LURAP1L: variants seen among roughly 807,000 people sequenced by gnomAD.
LURAP1L encodes the protein leucine rich adaptor protein 1-like.
A neutral mutation model predicts 13.8 loss-of-function variants in LURAP1L; 12 were observed. The ratio of observed to expected loss-of-function variants is 0.87; its 90% confidence interval spans 0.56 to 1.41. The LOEUF (loss-of-function observed/expected upper bound fraction) is 1.41. Ranked by LOEUF, LURAP1L falls within the 40% of genes most tolerant of loss-of-function variation. The pLI is 0.00. For synonymous variants in LURAP1L, 139 were observed against 119.2 expected, an observed-to-expected ratio of 1.17 and a Z score of -1.08; for missense variants, 375 against 292.9, an observed-to-expected ratio of 1.28 and a Z score of -2.04.
intron 1 of LURAP1L, among the ~76,000 whole-genome samples, chr9:12,782,228 G>C (rs1235615699): frequency 6.6e-6 from 1 of 152,144 alleles, no homozygotes; most frequent in African/African-American, 2.4e-5. Context: ...TTTGTTGGTT[G>C]TTTCCTTTGC....
intron 1 of LURAP1L, among the ~76,000 whole-genome samples, chr9:12,777,024 G>C (rs1819195657): frequency 6.6e-6 from 1 of 152,144 alleles, no homozygotes; most frequent in African/African-American, 2.4e-5. Context: ...AGTTGCAACA[G>C]TGGGCCTCAA....
rs1586871318 is a variant in LURAP1L at position 12,775,596 on chromosome 9, C to A, written c.-120C>A. The A allele has an allele frequency of 7.0e-7, 1 of 1,424,840 alleles. No individual in the cohort carries two copies. The allele number at this position is 1,424,840 out of a possible 1,614,324, so 88.3% of individuals were successfully genotyped here. A position where few individuals can be genotyped will look rare whatever the true frequency, so the allele number is the denominator to read the frequency against. On this transcript the variant is annotated 5_prime_UTR_variant, in exon 1 of 2. Transcript: ENST00000319264. ...TTATGGAAAGGACGGTACACCGGAG[C>A]GGCGGAGGATAGAGACCCTGGCCCC...
chr9:12,799,142 C>T lies in LURAP1L; in HGVS notation c.313-22244C>T, dbSNP rs576080959. Among the ~76,000 whole-genome samples the T allele has an allele frequency of 1.2e-3, 184 of 152,166 alleles. 1 individual carries two copies. The highest frequency in any genetic ancestry group is 4.0e-3 in the African/African-American group (168 of 41,534). On this transcript the variant is annotated intron_variant, in intron 1 of 1. Transcript: ENST00000319264. ...GAATCAGAACATCAAGATATTTGTC[C>T]CATTTCTAGCACTAAGTGGTGATAC...
intron 1 of LURAP1L, 51 bp downstream of exon 1, chr9:12,776,078 G>C (rs1480922042): frequency 1.9e-6 from 3 of 1,553,202 alleles, no homozygotes; most frequent in Non-Finnish European, 2.7e-6. Context: ...TGGGCCAAAA[G>C]ATGGGGCGAT....
chr9:12,778,793 G>C (rs1819227128), intron 1 of LURAP1L, among the ~76,000 whole-genome samples: 1 of 152,194 alleles, frequency 6.6e-6, no homozygotes, highest in Non-Finnish European at 1.5e-5. Flanking sequence ...GATTGAAGTA[G>C]CATGTATGAA....
intron 1 of LURAP1L, among the ~76,000 whole-genome samples, chr9:12,795,635 C>G (rs1044822979): frequency 6.6e-6 from 1 of 152,004 alleles, no homozygotes; most frequent in Non-Finnish European, 1.5e-5. Flanking sequence ...ATAAAGAATA[C>G]TGAATGCCAA....
At chr9:12,804,301 G>C (rs1311721714) in intron 1 of LURAP1L, among the ~76,000 whole-genome samples, 1 of 150,750 alleles carries the variant, frequency 6.6e-6, no homozygotes, top group Non-Finnish European at 1.5e-5. Context: ...ATTTGCATCA[G>C]TTCTAATAAG....
chr9:12,815,342 T>C (rs1327999983), intron 1 of LURAP1L, among the ~76,000 whole-genome samples: 2 of 152,164 alleles, frequency 1.3e-5, no homozygotes, highest in Non-Finnish European at 2.9e-5. Flanking sequence ...TCAGTTTATA[T>C]AGACTTTTAA....
chr9:12,790,149 C>T (rs2118487763), intron 1 of LURAP1L, among the ~76,000 whole-genome samples: 1 of 152,190 alleles, frequency 6.6e-6, no homozygotes, highest in African/African-American at 2.4e-5. Flanking sequence ...CTAAAGATTT[C>T]CAAAGAGTGA....
chr9:12,811,109 C>T (rs995921847), intron 1 of LURAP1L, among the ~76,000 whole-genome samples: 2 of 152,070 alleles, frequency 1.3e-5, no homozygotes, highest in African/African-American at 4.8e-5. Flanking sequence ...CTTTTATTAC[C>T]ATCCTAATCA....
Position 12,820,514 on chromosome 9 carries a change from C to CAAAA in LURAP1L, c.313-863_313-860dup, listed in dbSNP as rs1160341281. Among the ~76,000 whole-genome samples, 325 of 41,712 alleles carry CAAAA rather than the reference C, an allele frequency of 7.8e-3. 23 individuals are homozygous for CAAAA. The highest frequency in any genetic ancestry group is 0.026 in the African/African-American group (317 of 12,028). The allele number at this position is 41,712 out of a possible 152,430, so 27.4% of individuals were successfully genotyped here. ...CGAGACTCCGTCCCCCCCCCCCCCC[C>CAAAA]AAAAAAAAAAAAGGACCACACACCT... On this transcript the variant is annotated intron_variant, in intron 1 of 1. Transcript: ENST00000319264.
intron 1 of LURAP1L, among the ~76,000 whole-genome samples, chr9:12,808,192 G>C (rs1035212710): frequency 5.3e-5 from 8 of 151,224 alleles, no homozygotes; most frequent in Admixed American, 2.6e-4. Flanking sequence ...ACAGATCTGA[G>C]TTTCTGCCGA....
rs1819886885 is a variant in LURAP1L, at chr9:12,821,896, G to A, written c.*136G>A. The A allele has an allele frequency of 3.0e-6, 3 of 1,004,672 alleles. No homozygotes were observed. The highest frequency in any genetic ancestry group is 3.3e-4 in the Middle Eastern group (1 of 3,016). 62.2% of individuals were successfully genotyped at this position (1,004,672 alleles called of 1,614,324 possible). On this transcript the variant is annotated 3_prime_UTR_variant, in exon 2 of 2. Transcript: ENST00000319264. ...AAGCTGATTTTGAAACTGCTTAATGGTATTGCTGTTGCTCCTAATACTTCT... is the reference window on the plus strand; with the variant it reads ...AAGCTGATTTTGAAACTGCTTAATGATATTGCTGTTGCTCCTAATACTTCT...
At chr9:12,801,069 G>A (rs932222969) in intron 1 of LURAP1L, among the ~76,000 whole-genome samples, 2 of 152,036 alleles carry the variant, frequency 1.3e-5, no homozygotes, top group African/African-American at 4.8e-5. Context: ...AAAAGCAATT[G>A]AAAATATTTA....
intron 1 of LURAP1L, among the ~76,000 whole-genome samples, chr9:12,784,503 A>C (rs1002981199): frequency 6.6e-6 from 1 of 152,212 alleles, no homozygotes; most frequent in Non-Finnish European, 1.5e-5. Context: ...TCCCTGGATT[A>C]CCAAATAGAG....
Position 12,822,762 on chromosome 9 carries a change from G to A in LURAP1L, c.*1002G>A, listed in dbSNP as rs1046665444. On this transcript the variant is annotated 3_prime_UTR_variant, in exon 2 of 2. Coordinates refer to ENST00000319264, the MANE Select transcript of LURAP1L (RefSeq NM_203403.2). ...AGTTTTCTGAAATGGAATATTTAACGCACATAGACAGTGGATATTTACTTT... is the reference window on the plus strand; with the variant it reads ...AGTTTTCTGAAATGGAATATTTAACACACATAGACAGTGGATATTTACTTT... 6.6e-6 allele frequency among the ~76,000 whole-genome samples: 1 copy of A among 151,966 alleles called. No individual in the cohort carries two copies. The highest frequency in any genetic ancestry group is 1.9e-4 in the East Asian group (1 of 5,176).
chr9:12,806,112 C>A (rs1819653011), intron 1 of LURAP1L, among the ~76,000 whole-genome samples: 1 of 152,138 alleles, frequency 6.6e-6, no homozygotes. Context: ...GGGCAACCTT[C>A]AAATCTGTCA....
chr9:12,804,763 T>A lies in LURAP1L; in HGVS notation c.313-16623T>A, dbSNP rs553547162. Among the ~76,000 whole-genome samples, 7 of 152,252 alleles carry A rather than the reference T, an allele frequency of 4.6e-5. No homozygotes were observed. The South Asian group carries it at 1.2e-3, about 27-fold the overall frequency. ...GAAGGAAATCATCAGGATGAAAAGA[T>A]GGTTAAAGGAAGAAACAGAAGTCAA... On this transcript the variant is annotated intron_variant, in intron 1 of 1. Coordinates refer to ENST00000319264, the MANE Select transcript of LURAP1L (RefSeq NM_203403.2).
intron 1 of LURAP1L, among the ~76,000 whole-genome samples, chr9:12,820,853 AAAT>A (rs1819869236): frequency 6.6e-6 from 1 of 152,110 alleles, no homozygotes; most frequent in African/African-American, 2.4e-5. Flanking sequence ...ATGAAGACAA[AAAT>A]AATAATACCT....
Sources: allele counts gnomAD v4.1 joint callset (sites outside exome capture counted in the v4.1 genomes callset), GRCh38; gene constraint gnomAD v4.1.1; transcripts MANE v1.5; gene names NCBI Gene and HGNC (gene_info 2026-07-23, HGNC 2026-07-21).